MCFD2: variants seen among roughly 807,000 people sequenced by gnomAD.
The protein encoded by MCFD2 is multiple coagulation factor deficiency protein 2.
In MCFD2, 11 loss-of-function variants were observed where a neutral mutation model predicts 12.8. The observed-to-expected ratio is 0.86, with a 90% CI of 0.54 to 1.42. The LOEUF (loss-of-function observed/expected upper bound fraction) is 1.42, where lower values mean the gene tolerates loss of function less well. Among genes scored for constraint, MCFD2 ranks in the 40% most tolerant of loss-of-function variants. The pLI, the probability that MCFD2 is intolerant of heterozygous loss-of-function variation, is 0.00. For synonymous variants in MCFD2, 70 were observed against 68.1 expected, an observed-to-expected ratio of 1.03 and a Z score of -0.14; for missense variants, 191 against 178.6, an observed-to-expected ratio of 1.07 and a Z score of -0.40.
At position 46,940,372 on chromosome 2, in the gene MCFD2, C is replaced by T. The variant is rs996098069; in HGVS notation, c.-8+1200G>A. Among the ~76,000 whole-genome samples the T allele has an allele frequency of 2.0e-5, 3 of 152,114 alleles. No individual in the cohort carries two copies. The highest frequency in any genetic ancestry group is 7.2e-5 in the African/African-American group (3 of 41,408). ...TCGGGTCTTGCTGTGGCTTCTCCAG[C>T]ACTGGTCTGTGAGCTGCGGCGGCAG... is the stretch of plus-strand genomic sequence containing the variant. On this transcript the variant is annotated intron_variant, in intron 1 of 2. Coordinates refer to the MCFD2 transcript ENST00000409147. This position sits in a 1 kb window ranked among gnomAD's most constrained non-coding sequence, Gnocchi z 4.7.
upstream of MCFD2, chr2:46,916,724 TCC>T: frequency 1.2e-5 from 2 of 163,914 alleles, no homozygotes; most frequent in Non-Finnish European, 2.7e-5. Context: ...AACCTCCGCC[TCC>T]CAGGTTCAAG....
At chr2:46,911,371 AC>A (rs1469492839) in intron 1 of MCFD2, among the ~76,000 whole-genome samples, 5 of 146,298 alleles carry the variant, frequency 3.4e-5, no homozygotes, top group Non-Finnish European at 6.0e-5. Context: ...CAGGTGATCC[AC>A]CCGCCTCGGC....
chr2:46,924,221 C>A (rs1397732276), intron 1 of MCFD2, among the ~76,000 whole-genome samples: 3 of 148,988 alleles, frequency 2.0e-5, no homozygotes, highest in African/African-American at 7.4e-5. Flanking sequence ...AAAAAAAAAA[C>A]CCAACTAAAG....
intron 1 of MCFD2, among the ~76,000 whole-genome samples, chr2:46,928,063 T>C (rs1669490287): frequency 6.6e-6 from 1 of 151,710 alleles, no homozygotes; most frequent in Non-Finnish European, 1.5e-5. Context: ...AGCTAGTTTT[T>C]GCATTTTTTG....
Position 46,908,982 on chromosome 2 carries a change from A to T in MCFD2, c.149+41T>A. On this transcript the variant is annotated intron_variant, in intron 2 of 3. Transcript: ENST00000319466. This position sits in a 1 kb window ranked among gnomAD's most constrained non-coding sequence, Gnocchi z 4.5. The stretch of plus-strand genomic sequence containing the variant: ...CTTGCCGCTGGCTCAGCTGCAGATG[A>T]TGGGGAGGCCACTGGACCACAGCCC... 1 of 1,613,930 alleles carries T rather than the reference A, an allele frequency of 6.2e-7. No individual in the cohort carries two copies.
chr2:46,934,947 C>T (rs534017999), intron 1 of MCFD2, among the ~76,000 whole-genome samples: 8 of 151,868 alleles, frequency 5.3e-5, no homozygotes, highest in East Asian at 1.9e-4. Context: ...ACTACAGGCG[C>T]GCACCACCAC....
At position 46,907,944 on chromosome 2, in the gene MCFD2, C is replaced by G; in HGVS notation, c.175G>C (p.Val59Leu). 1 of 1,614,210 alleles carries G rather than the reference C, an allele frequency of 6.2e-7. No individual in the cohort carries two copies. Among genetic ancestry groups the G allele is most frequent in the South Asian group, 1.1e-5 (1 of 91,088 alleles). Residue 59 changes from valine (V) to leucine (L), a missense_variant, in exon 3 of 4, where the codon GTC becomes CTC. Coordinates refer to ENST00000319466, the MANE Select transcript of MCFD2 (RefSeq NM_139279.6). The surrounding 1 kb of genome is among the most constrained non-coding windows in gnomAD (Gnocchi z 4.1). ...ATCTCCGCCTCTGGTTTGTTGATGACACCTTCTAGATGCTCCATGATATGC... is the reference window on the plus strand; with the variant it reads ...ATCTCCGCCTCTGGTTTGTTGATGAGACCTTCTAGATGCTCCATGATATGC... ...QEHIMEHLEG[V>L]INKPEAEMSP...
At chr2:46,927,119 G>A (rs1035118761) in intron 1 of MCFD2, among the ~76,000 whole-genome samples, 1 of 152,050 alleles carries the variant, frequency 6.6e-6, no homozygotes, top group African/African-American at 2.4e-5. Context: ...AATTCAGTGA[G>A]GTCTTACTTG....
intron 1 of MCFD2, among the ~76,000 whole-genome samples, chr2:46,927,354 GA>G (rs1291784308): frequency 3.8e-4 from 55 of 144,280 alleles, no homozygotes; most frequent in Non-Finnish European, 6.7e-4. Context: ...GAGAAAAAAA[GA>G]TTTTTTTTTT....
Position 46,908,765 on chromosome 2 carries a change from G to A in MCFD2, c.149+258C>T. The A allele has an allele frequency of 1.9e-6, 1 of 531,436 alleles. No homozygotes were observed. The highest frequency in any genetic ancestry group is 3.4e-5 in the East Asian group (1 of 29,706). 32.9% of individuals were successfully genotyped at this position (531,436 alleles called of 1,614,324 possible). ...TATTTGTATGTGTGTGTGTCTGTCT[G>A]TGGTGAAAAAAAGGAGAGACCGGAT... is the stretch of plus-strand genomic sequence containing the variant. On this transcript the variant is annotated intron_variant, in intron 2 of 3. Coordinates refer to ENST00000319466, the MANE Select transcript of MCFD2 (RefSeq NM_139279.6). The surrounding 1 kb of genome is among the most constrained non-coding windows in gnomAD (Gnocchi z 4.5).
chr2:46,916,741 TCTC>T (rs1668814494), upstream of MCFD2, among the ~76,000 whole-genome samples: 1 of 152,174 alleles, frequency 6.6e-6, no homozygotes, highest in Non-Finnish European at 1.5e-5. Flanking sequence ...TTCAAGCTCT[TCTC>T]CTACCTCAGC....
At chr2:46,928,795 A>C (rs1669538865) in intron 1 of MCFD2, among the ~76,000 whole-genome samples, 1 of 152,036 alleles carries the variant, frequency 6.6e-6, no homozygotes, top group Admixed American at 6.6e-5. Flanking sequence ...CACGTTTGAA[A>C]TCATATAAAG....
chr2:46,924,958 T>C (rs752140257), intron 1 of MCFD2, among the ~76,000 whole-genome samples: 1 of 152,222 alleles, frequency 6.6e-6, no homozygotes, highest in African/African-American at 2.4e-5. Context: ...GTACTCTTAG[T>C]TTTTGGTAAA....
In MCFD2 at chr2:46,941,121, C is replaced by G. The variant is rs918404109; in HGVS notation, c.-8+451G>C. The G allele has an allele frequency of 6.8e-6, 1 of 148,134 alleles. No individual in the cohort carries two copies. The highest frequency in any genetic ancestry group is 1.5e-5 in the Non-Finnish European group (1 of 66,196). 9.2% of individuals were successfully genotyped at this position (148,134 alleles called of 1,614,324 possible). On this transcript the variant is annotated intron_variant, in intron 1 of 2. Coordinates refer to the MCFD2 transcript ENST00000409147. The surrounding 1 kb of genome is among the most constrained non-coding windows in gnomAD (Gnocchi z 4.2). ...TGGCTGCTGTGGCCGCGCTGGCAGCCAGCGAGCCCGGCTCGCCGAGGCCTC... is the reference window on the plus strand; with the variant it reads ...TGGCTGCTGTGGCCGCGCTGGCAGCGAGCGAGCCCGGCTCGCCGAGGCCTC...
chr2:46,934,699 A>G (rs995886143), intron 1 of MCFD2, among the ~76,000 whole-genome samples: 7 of 151,722 alleles, frequency 4.6e-5, no homozygotes, highest in African/African-American at 1.7e-4. Context: ...ACAAAAACAA[A>G]CAAACAAAAA....
At position 46,908,731 on chromosome 2, in the gene MCFD2, C is replaced by A; in HGVS notation, c.149+292G>T. On this transcript the variant is annotated intron_variant, in intron 2 of 3. Transcript: ENST00000319466. This position sits in a 1 kb window ranked among gnomAD's most constrained non-coding sequence, Gnocchi z 4.5. ...TGCTACTATGACTGTGTATGTGTAC[C>A]TGTGTGTCTATTTGTATGTGTGTGT... The A allele has an allele frequency of 2.1e-6, 1 of 472,698 alleles. No individual in the cohort carries two copies. The highest frequency in any genetic ancestry group is 3.9e-6 in the Non-Finnish European group (1 of 256,928). The allele number at this position is 472,698 out of a possible 1,614,324, so 29.3% of individuals were successfully genotyped here. A position where few individuals can be genotyped will look rare whatever the true frequency, so the allele number is the denominator to read the frequency against.
In MCFD2 at chr2:46,902,037, G is replaced by C. The variant is rs962003454; in HGVS notation, c.*3426C>G. 3 of 152,620 alleles carry C rather than the reference G, an allele frequency of 2.0e-5. No homozygotes were observed. The highest frequency in any genetic ancestry group is 7.2e-5 in the African/African-American group (3 of 41,442). The allele number at this position is 152,620 out of a possible 1,614,324, so 9.5% of individuals were successfully genotyped here. Reference sequence around the variant, plus strand: ...AATACATATGTTTTCTTATAATACTGTAATAAAGAAAATAAGTCTGTATAC... The same window carrying C: ...AATACATATGTTTTCTTATAATACTCTAATAAAGAAAATAAGTCTGTATAC... On this transcript the variant is annotated 3_prime_UTR_variant, in exon 4 of 4. Coordinates refer to ENST00000319466, the MANE Select transcript of MCFD2 (RefSeq NM_139279.6).
In MCFD2 at chr2:46,904,917, A is replaced by G. The variant is rs1457739523; in HGVS notation, c.*546T>C. ...CACCCAAATCTCAACTTGAAATTGT[A>G]TCTACCAGAATTCCCACGTGTTGTG... On this transcript the variant is annotated 3_prime_UTR_variant, in exon 4 of 4. Transcript: ENST00000319466. 5.1e-6 allele frequency: 1 copy of G among 196,422 alleles called. No individual in the cohort carries two copies. Among genetic ancestry groups the G allele is most frequent in the Non-Finnish European group, 1.1e-5 (1 of 94,712 alleles). 12.2% of individuals were successfully genotyped at this position (196,422 alleles called of 1,614,324 possible).
upstream of MCFD2, among the ~76,000 whole-genome samples, chr2:46,918,666 T>C (rs1668944096): frequency 1.3e-5 from 2 of 152,240 alleles, no homozygotes; most frequent in Admixed American, 6.5e-5. Context: ...TGGTGACCCT[T>C]ATAAGCCGTA....
Sources: allele counts gnomAD v4.1 joint callset (sites outside exome capture counted in the v4.1 genomes callset), GRCh38; gene constraint gnomAD v4.1.1; non-coding constraint Gnocchi (gnomAD v3.1); transcripts MANE v1.5; gene names NCBI Gene and HGNC (gene_info 2026-07-23, HGNC 2026-07-21).